PCDHGA4: variants seen among roughly 807,000 people sequenced by gnomAD.
The protein encoded by PCDHGA4 is protocadherin gamma-A4.
Under a neutral mutation model 54.6 loss-of-function variants are expected in PCDHGA4, and 38 were observed. The ratio of observed to expected loss-of-function variants is 0.70; its 90% CI spans 0.54 to 0.91. PCDHGA4 has a LOEUF of 0.91. Ranked by LOEUF, PCDHGA4 falls within the 40% of genes least tolerant of loss-of-function variation. The probability of loss-of-function intolerance (pLI) is 0.00; values close to 1 mark genes in which losing one functional copy is unlikely to be tolerated. For synonymous variants in PCDHGA4, 511 were observed against 512.9 expected, an observed-to-expected ratio of 1.00 and a Z score of 0.05; for missense variants, 1,298 against 1,220.9, an observed-to-expected ratio of 1.06 and a Z score of -0.94.
At chr5:141,498,971 G>GGGAGGGAAGGAAGGAAGGAAGGAA (rs2099787588) in intron 2 of PCDHGA4, among the ~76,000 whole-genome samples, 6 of 110,972 alleles carry the variant, frequency 5.4e-5, no homozygotes, top group Admixed American at 5.3e-4. Flanking sequence ...GAGGGAGGGA[G>GGGAGGGAAGGAAGGAAGGAAGGAA]GGAAGGAAGG....
chr5:141,365,014 C>T (rs1763677567), intron 1 of PCDHGA4: 1 of 1,613,924 alleles, frequency 6.2e-7, no homozygotes, highest in African/African-American at 1.3e-5. Flanking sequence ...CCACGCACAT[C>T]CGTGTTACGG....
chr5:141,403,634 A>T, intron 1 of PCDHGA4: 1 of 1,613,920 alleles, frequency 6.2e-7, no homozygotes, highest in Non-Finnish European at 8.5e-7. Flanking sequence ...CACAGTGCGC[A>T]TCCATGTGAC....
Position 141,491,648 on chromosome 5 carries a change from T to A in PCDHGA4, c.2515-3159T>A. 6.2e-7 allele frequency: 1 copy of A among 1,613,834 alleles called. No individual in the cohort carries two copies. Among genetic ancestry groups the A allele is most frequent in the Non-Finnish European group, 8.5e-7 (1 of 1,180,002 alleles). ...GTTCAGCAGCCCACAGCTCTGGCGC[T>A]GGAGCCTGACGCCATCCGGTCCCGC... On this transcript the variant is annotated intron_variant, in intron 1 of 3. Transcript: ENST00000571252. This position sits in a 1 kb window ranked among gnomAD's most constrained non-coding sequence, Gnocchi z 6.9.
At chr5:141,472,668 C>T (rs2099292239) in intron 1 of PCDHGA4, among the ~76,000 whole-genome samples, 1 of 151,742 alleles carries the variant, frequency 6.6e-6, no homozygotes, top group African/African-American at 2.4e-5. Context: ...ATCCTGTATA[C>T]TGGTCCTTCC....
At chr5:141,417,941 A>T (rs1319967892) in intron 1 of PCDHGA4, 1 of 1,612,890 alleles carries the variant, frequency 6.2e-7, no homozygotes, top group South Asian at 1.1e-5. Context: ...GTTCTACCCC[A>T]CGCTGTGTGA....
In PCDHGA4 at chr5:141,423,579, G is replaced by A. The variant is rs760902886; in HGVS notation, c.2514+65958G>A. 6 of 1,613,378 alleles carry A rather than the reference G, an allele frequency of 3.7e-6. No homozygotes were observed. In the East Asian group the frequency reaches 1.3e-4, roughly 36 times the overall value. ...ATGGGGACACGCTCATCAGCCAGGA[G>A]AGCTGTGAGAAAAGCGAGCCACTCT... On this transcript the variant is annotated intron_variant, in intron 1 of 3. Transcript: ENST00000571252.
intron 1 of PCDHGA4, chr5:141,415,739 G>GGT (rs2095908308): frequency 2.3e-6 from 1 of 434,538 alleles, no homozygotes; most frequent in East Asian, 5.9e-5. Context: ...TGTTTATTAA[G>GGT]GTTTTTTTTT....
chr5:141,433,359 C>CTATCTATCTATA, intron 1 of PCDHGA4: 1 of 228,708 alleles, frequency 4.4e-6, no homozygotes, highest in South Asian at 4.1e-5. Context: ...TACTGTCTGC[C>CTATCTATCTATA]TATCTATCTA....
chr5:141,419,140 G>C, intron 1 of PCDHGA4: 1 of 1,613,868 alleles, frequency 6.2e-7, no homozygotes, highest in Non-Finnish European at 8.5e-7. Flanking sequence ...CCACAGACAG[G>C]GGCAAGCCTC....
rs750233767 is a variant in PCDHGA4 at position 141,490,877 on chromosome 5, C to A, written c.2515-3930C>A. 1 of 1,613,880 alleles carries A rather than the reference C, an allele frequency of 6.2e-7. No individual in the cohort carries two copies. Among genetic ancestry groups the A allele is most frequent in the Non-Finnish European group, 8.5e-7 (1 of 1,179,900 alleles). On this transcript the variant is annotated intron_variant, in intron 1 of 3. Coordinates refer to ENST00000571252, the MANE Select transcript of PCDHGA4 (RefSeq NM_018917.4). This position sits in a 1 kb window ranked among gnomAD's most constrained non-coding sequence, Gnocchi z 5.4. Reference sequence around the variant, plus strand: ...GACTCCGGCTCTCCCCCATTGCATGCCAACACATCTCTGCATGTGTTTGTC... The same window carrying A: ...GACTCCGGCTCTCCCCCATTGCATGACAACACATCTCTGCATGTGTTTGTC...
At chr5:141,412,385 AT>A (rs1277702119) in intron 1 of PCDHGA4, 2 of 152,236 alleles carry the variant, frequency 1.3e-5, no homozygotes, top group Admixed American at 1.3e-4. Flanking sequence ...AAATAGGTCC[AT>A]TTAACTTGTA....
chr5:141,416,615 C>T (rs1156238298), intron 1 of PCDHGA4: 1 of 152,088 alleles, frequency 6.6e-6, no homozygotes, highest in Non-Finnish European at 1.5e-5. Context: ...AATGCCATTT[C>T]TGCAGATCAG....
chr5:141,489,290 G>A lies in PCDHGA4; in HGVS notation c.2515-5517G>A. 6.3e-7 allele frequency: 1 copy of A among 1,577,514 alleles called. No individual in the cohort carries two copies. The highest frequency in any genetic ancestry group is 8.6e-7 in the Non-Finnish European group (1 of 1,162,002). ...CTCGCTGGGAAATGGCAAGTGCTGT[G>A]CATGTTGTCCTTGTGCTGCTGGGGC... On this transcript the variant is annotated intron_variant, in intron 1 of 3. Transcript: ENST00000571252. This position sits in a 1 kb window ranked among gnomAD's most constrained non-coding sequence, Gnocchi z 4.5.
At chr5:141,417,932 T>A (rs1398348549) in intron 1 of PCDHGA4, 2 of 1,611,670 alleles carry the variant, frequency 1.2e-6, no homozygotes, top group East Asian at 4.5e-5. Flanking sequence ...GCTGCCTTTG[T>A]TCTACCCCAC....
At chr5:141,457,125 C>T (rs1011977795) in intron 1 of PCDHGA4, among the ~76,000 whole-genome samples, 3 of 152,236 alleles carry the variant, frequency 2.0e-5, no homozygotes, top group Admixed American at 6.5e-5. Flanking sequence ...GCAATGGAAA[C>T]TCTGTCCAAT....
At chr5:141,371,409 G>A in intron 1 of PCDHGA4, 7 of 1,614,022 alleles carry the variant, frequency 4.3e-6, no homozygotes, top group Non-Finnish European at 5.9e-6. Context: ...AGATATTTCA[G>A]ATGAAAATGA....
chr5:141,404,475 A>G, intron 1 of PCDHGA4: 1 of 1,613,732 alleles, frequency 6.2e-7, no homozygotes, highest in Non-Finnish European at 8.5e-7. Flanking sequence ...GTCTCTATTA[A>G]CTCAGACACT....
intron 1 of PCDHGA4, chr5:141,419,406 C>A (rs367731612): frequency 1.9e-6 from 3 of 1,613,404 alleles, no homozygotes; most frequent in Non-Finnish European, 2.5e-6. Context: ...GTGGTGTTCG[C>A]GCAGCGCGCC....
intron 1 of PCDHGA4, chr5:141,422,006 C>G: frequency 6.2e-7 from 1 of 1,609,754 alleles, no homozygotes; most frequent in Non-Finnish European, 8.5e-7. Flanking sequence ...AGCTCCGGAA[C>G]TCGGGTGCTG....
Sources: allele counts gnomAD v4.1 joint callset (sites outside exome capture counted in the v4.1 genomes callset), GRCh38; gene constraint gnomAD v4.1.1; non-coding constraint Gnocchi (gnomAD v3.1); transcripts MANE v1.5; gene names NCBI Gene and HGNC (gene_info 2026-07-23, HGNC 2026-07-21).